PLCG2: variants seen among roughly 807,000 people sequenced by gnomAD.
PLCG2 encodes the protein phospholipase C gamma 2.
In PLCG2, 69 loss-of-function variants were observed where a neutral mutation model predicts 175.6. The observed-to-expected ratio is 0.39, with a 90% CI of 0.32 to 0.48. PLCG2 has a LOEUF of 0.48. Ranked by LOEUF, PLCG2 falls within the 20% of genes least tolerant of loss-of-function variation. PLCG2 has a pLI of 0.91. For missense variants in PLCG2, 1,798 were observed against 1,650.9 expected, an observed-to-expected ratio of 1.09 and a Z score of -1.54; for synonymous variants, 827 against 624.0, an observed-to-expected ratio of 1.33 and a Z score of -4.85.
At chr16:81,935,631 A>C (rs1328358856) in intron 26 of PLCG2, 2 of 985,270 alleles carry the variant, frequency 2.0e-6, no homozygotes, top group Middle Eastern at 5.2e-4. Context: ...CAGCAGGCTC[A>C]GCATGTTGAC....
chr16:81,878,879 C>T (rs1271294254), intron 7 of PLCG2, among the ~76,000 whole-genome samples: 2 of 152,100 alleles, frequency 1.3e-5, no homozygotes, highest in Non-Finnish European at 2.9e-5. Context: ...ATTCTCTGTC[C>T]TGCTCTGCGT....
At chr16:81,839,921 C>T (rs542275540) in intron 2 of PLCG2, among the ~76,000 whole-genome samples, 7 of 152,264 alleles carry the variant, frequency 4.6e-5, no homozygotes, top group African/African-American at 1.7e-4. Context: ...TGTGATGGTG[C>T]ATGCCTGTAG....
chr16:81,868,984 C>A (rs1172548603), intron 5 of PLCG2, among the ~76,000 whole-genome samples: 1 of 152,238 alleles, frequency 6.6e-6, no homozygotes, highest in Non-Finnish European at 1.5e-5. Context: ...ATCACCCTAC[C>A]CTGTGAGTCT....
intron 2 of PLCG2, chr16:81,842,603 C>T (rs1488279895): frequency 6.6e-6 from 1 of 152,178 alleles, no homozygotes; most frequent in Admixed American, 6.6e-5. Context: ...TTGTTAAGCT[C>T]ATTGTCAGGT....
rs370840346 is a variant in PLCG2 at position 81,847,252 on chromosome 16, C to T, written c.194-7192C>T. ...AAGAGATGCATAGGGCATAGGGTTC[C>T]CATGTTCTCTCTGGGCATGCCACCC... is the stretch of plus-strand genomic sequence containing the variant. On this transcript the variant is annotated intron_variant, in intron 2 of 32. Transcript: ENST00000564138. Among the ~76,000 whole-genome samples the T allele has an allele frequency of 1.3e-4, 20 of 152,292 alleles. No homozygotes were observed. In the East Asian group the frequency reaches 3.9e-3, roughly 29 times the overall value.
chr16:81,759,228 T>C (rs1015311634), intron 2 of PLCG2, among the ~76,000 whole-genome samples: 1 of 152,212 alleles, frequency 6.6e-6, no homozygotes, highest in Non-Finnish European at 1.5e-5. Flanking sequence ...GCAAATATTC[T>C]TTCCTATTCT....
chr16:81,851,450 C>T (rs1401950578), intron 2 of PLCG2, among the ~76,000 whole-genome samples: 4 of 152,202 alleles, frequency 2.6e-5, no homozygotes, highest in Non-Finnish European at 5.9e-5. Flanking sequence ...TGTCTACCAC[C>T]GTACATGCAC....
chr16:81,918,984 A>C (rs146421993), intron 19 of PLCG2, among the ~76,000 whole-genome samples: 1 of 152,184 alleles, frequency 6.6e-6, no homozygotes, highest in Non-Finnish European at 1.5e-5. Context: ...GGGATTGGCA[A>C]ACATTTTCTG....
chr16:81,895,989 C>T (rs945459277), intron 13 of PLCG2, 62 bp downstream of exon 13: 29 of 1,592,918 alleles, frequency 1.8e-5, no homozygotes, highest in Non-Finnish European at 2.5e-5. Context: ...GTTGGATAGA[C>T]AGATGGACAG....
intron 1 of PLCG2, among the ~76,000 whole-genome samples, chr16:81,752,144 C>T (rs1218629789): frequency 6.6e-6 from 1 of 152,192 alleles, no homozygotes; most frequent in African/African-American, 2.4e-5. Flanking sequence ...TATGAGCCTG[C>T]TGAGTGCTGG....
At chr16:81,902,991 C>A (rs1347863551) in intron 14 of PLCG2, among the ~76,000 whole-genome samples, 1 of 152,272 alleles carries the variant, frequency 6.6e-6, no homozygotes, top group African/African-American at 2.4e-5. Flanking sequence ...CCACTGGGTT[C>A]CTCCTATGAC....
chr16:81,901,479 C>T (rs959498195), intron 14 of PLCG2, among the ~76,000 whole-genome samples: 1 of 152,186 alleles, frequency 6.6e-6, no homozygotes, highest in African/African-American at 2.4e-5. Context: ...GACCCGGGGC[C>T]CCCGCATTCT....
intron 2 of PLCG2, among the ~76,000 whole-genome samples, chr16:81,787,056 G>A (rs1439255462): frequency 3.3e-5 from 5 of 152,120 alleles, no homozygotes; most frequent in Admixed American, 6.5e-5. Flanking sequence ...TGATGTTGGC[G>A]GTGGTTTCTT....
At chr16:81,947,273 G>A (rs150114568) in intron 31 of PLCG2, among the ~76,000 whole-genome samples, 53 of 152,316 alleles carry the variant, frequency 3.5e-4, no homozygotes, top group African/African-American at 1.2e-3. Context: ...AGCCAGGGGC[G>A]TTGTGTGGGG....
rs1267010095 is a variant in PLCG2 at position 81,802,888 on chromosome 16, G to A, written c.193+16706G>A. On this transcript the variant is annotated intron_variant, in intron 2 of 32. Coordinates refer to ENST00000564138, the MANE Select transcript of PLCG2 (RefSeq NM_002661.5). ...ATAAAAACATTGTATACCCTATAATGTACCCCTTAATGTATACTGTTAAGT... is the reference window on the plus strand; with the variant it reads ...ATAAAAACATTGTATACCCTATAATATACCCCTTAATGTATACTGTTAAGT... 2.6e-5 allele frequency among the ~76,000 whole-genome samples: 4 copies of A among 152,098 alleles called. No homozygotes were observed. In the East Asian group the frequency reaches 5.8e-4, roughly 22 times the overall value.
intron 2 of PLCG2, among the ~76,000 whole-genome samples, chr16:81,820,197 T>C (rs890712576): frequency 2.0e-5 from 3 of 152,204 alleles, no homozygotes; most frequent in Non-Finnish European, 4.4e-5. Context: ...AAGTACACAG[T>C]TTGATGCATT....
intron 5 of PLCG2, among the ~76,000 whole-genome samples, chr16:81,866,149 G>A (rs961823124): frequency 8.6e-6 from 1 of 116,106 alleles, no homozygotes; most frequent in African/African-American, 3.6e-5. Context: ...TCCAACTGGG[G>A]CACCAGCATG....
intron 2 of PLCG2, among the ~76,000 whole-genome samples, chr16:81,804,852 C>T (rs540088678): frequency 6.6e-6 from 1 of 152,186 alleles, no homozygotes; most frequent in Non-Finnish European, 1.5e-5. Context: ...AGAGAGTGTT[C>T]TTGAAAGCTT....
chr16:81,770,400 T>C (rs1049771331), intron 2 of PLCG2, among the ~76,000 whole-genome samples: 1 of 152,222 alleles, frequency 6.6e-6, no homozygotes, highest in African/African-American at 2.4e-5. Flanking sequence ...TGTGAACATA[T>C]TGAACAGCCT....
Sources: gnomAD v4.1 joint callset for allele counts (sites outside exome capture counted in the v4.1 genomes callset) on GRCh38, gnomAD v4.1.1 for gene constraint, MANE v1.5 for transcripts, NCBI Gene and HGNC (gene_info 2026-07-23, HGNC 2026-07-21) for gene names.